Variants in GPC6 observed in about 807,000 individuals in gnomAD.
The protein encoded by GPC6 is glypican 6.
In GPC6, 14 loss-of-function variants were observed where a neutral mutation model predicts 55.2. That is an observed-to-expected ratio of 0.25 (90% confidence interval 0.17 to 0.40). The LOEUF is 0.40. Ranked by LOEUF, GPC6 falls within the 10% of genes least tolerant of loss-of-function variation. The pLI is 1.00. For synonymous variants in GPC6, 278 were observed against 259.6 expected (o/e 1.07, Z -0.68); for missense variants, 641 against 708.5 (o/e 0.90, Z 1.08).
At chr13:93,393,579 T>C (rs1384696626) in intron 1 of GPC6, among the ~76,000 whole-genome samples, 2 of 152,158 alleles carry the variant, frequency 1.3e-5, no homozygotes, top group Admixed American at 6.5e-5. Flanking sequence ...AGCTTGAAAA[T>C]ATATGTTGCA....
At chr13:93,439,092 C>G (rs543536485) in intron 1 of GPC6, among the ~76,000 whole-genome samples, 1 of 152,124 alleles carries the variant, frequency 6.6e-6, no homozygotes, top group Non-Finnish European at 1.5e-5. Flanking sequence ...TTAGACATAA[C>G]GCTATTGCAC....
At chr13:93,490,514 G>GTTTTTTTTTTTTTTTTTTTTTTTTTC (rs796098096) in intron 1 of GPC6, among the ~76,000 whole-genome samples, 1 of 35,320 alleles carries the variant, frequency 2.8e-5, no homozygotes, top group African/African-American at 1.2e-4. Flanking sequence ...TTTTTTTTGA[G>GTTTTTTTTTTTTTTTTTTTTTTTTTC]TTTTTTTTTT....
chr13:94,339,751 C>CTTTTTTTTTTTTTTTTTTTTTTTT, intron 6 of GPC6, among the ~76,000 whole-genome samples: 1 of 63,794 alleles, frequency 1.6e-5, no homozygotes. Context: ...GCATACTTTC[C>CTTTTTTTTTTTTTTTTTTTTTTTT]TTTTTTTTTT....
At chr13:93,843,635 G>C (rs1888045189) in intron 3 of GPC6, among the ~76,000 whole-genome samples, 2 of 152,112 alleles carry the variant, frequency 1.3e-5, no homozygotes, top group Admixed American at 6.6e-5. Flanking sequence ...TTTTAAATTG[G>C]GCGGATTGAC....
intron 4 of GPC6, among the ~76,000 whole-genome samples, chr13:94,285,157 A>G (rs185430325): frequency 2.0e-5 from 3 of 152,342 alleles, no homozygotes; most frequent in Non-Finnish European, 2.9e-5. Flanking sequence ...ATCTTGGTTT[A>G]TATAACAAGG....
intron 4 of GPC6, among the ~76,000 whole-genome samples, chr13:94,149,807 G>A (rs552129648): frequency 3.9e-4 from 59 of 152,066 alleles, no homozygotes; most frequent in Admixed American, 7.2e-4. Context: ...CCCTCCCAGT[G>A]TACCTTGTAG....
chr13:93,409,546 A>T (rs9556289), intron 1 of GPC6, among the ~76,000 whole-genome samples: 27,785 of 152,040 alleles, frequency 0.18, 3,175 homozygotes, highest in East Asian at 0.47. Context: ...TTCTCTTTCA[A>T]CTTGCATCTA....
chr13:94,028,264 C>CAA (rs199814666), intron 4 of GPC6, among the ~76,000 whole-genome samples: 2,408 of 140,040 alleles, frequency 0.017, 56 homozygotes, highest in South Asian at 0.072. Flanking sequence ...GACCCTGTCT[C>CAA]AAAAAAAAAA....
At chr13:94,244,077 T>A (rs1197162955) in intron 4 of GPC6, among the ~76,000 whole-genome samples, 1 of 152,170 alleles carries the variant, frequency 6.6e-6, no homozygotes, top group East Asian at 1.9e-4. Context: ...ACTACTTAGG[T>A]AATTGTAGGT....
intron 2 of GPC6, among the ~76,000 whole-genome samples, chr13:93,660,498 G>C (rs1038683582): frequency 6.6e-5 from 10 of 152,128 alleles, no homozygotes; most frequent in Non-Finnish European, 1.3e-4. Context: ...AGAAAATTAA[G>C]ATTTAGTTAA....
chr13:93,994,111 G>A (rs1303413838), intron 3 of GPC6, among the ~76,000 whole-genome samples: 1 of 152,118 alleles, frequency 6.6e-6, no homozygotes, highest in East Asian at 1.9e-4. Context: ...TCATGGGAGA[G>A]AAGATTTTTC....
Position 93,828,973 on chromosome 13 carries a change from T to C in GPC6, c.320-1181T>C, listed in dbSNP as rs577920590. ...TTCGTCACTATTTCCTTTCTGTATC[T>C]TAGCAGAGAATACCCAGAACCCCAG... On this transcript the variant is annotated intron_variant, in intron 2 of 8. Coordinates refer to ENST00000377047, the MANE Select transcript of GPC6 (RefSeq NM_005708.5). 8.0e-4 allele frequency among the ~76,000 whole-genome samples: 122 copies of C among 152,244 alleles called. 1 individual carries two copies. The Middle Eastern group carries it at 0.01, about 13-fold the overall frequency.
chr13:93,538,769 C>G (rs1882165485), intron 1 of GPC6, among the ~76,000 whole-genome samples: 1 of 152,172 alleles, frequency 6.6e-6, no homozygotes, highest in South Asian at 2.1e-4. Context: ...ATTGGGTACT[C>G]TACTGATGAA....
chr13:93,315,873 CAT>C (rs1353615602), intron 1 of GPC6, among the ~76,000 whole-genome samples: 1 of 151,772 alleles, frequency 6.6e-6, no homozygotes, highest in Non-Finnish European at 1.5e-5. Flanking sequence ...TTGTTGATGA[CAT>C]ATATGAGCAA....
chr13:93,558,196 C>T (rs887619820), intron 2 of GPC6, among the ~76,000 whole-genome samples: 2 of 152,196 alleles, frequency 1.3e-5, no homozygotes, highest in East Asian at 1.9e-4. Flanking sequence ...TTTGAAACTA[C>T]GATATACATA....
intron 6 of GPC6, chr13:94,306,383 C>A: frequency 2.0e-6 from 1 of 505,462 alleles, no homozygotes; most frequent in East Asian, 3.6e-5. Context: ...TCTTATTTCT[C>A]ATGAAATATT....
rs1248757066 is a variant in GPC6, at chr13:94,334,653, A to G, written c.1152+28530A>G. On this transcript the variant is annotated intron_variant, in intron 6 of 8. Coordinates refer to ENST00000377047, the MANE Select transcript of GPC6 (RefSeq NM_005708.5). ...CAAGTGGGGCCCCAAAATTGTGTTA[A>G]CAAGCCCTCCAGGTGGTGCCAAAGC... Among the ~76,000 whole-genome samples, 6 of 152,280 alleles carry G rather than the reference A, an allele frequency of 3.9e-5. No individual in the cohort carries two copies. The East Asian group carries it at 1.2e-3, about 29-fold the overall frequency.
At chr13:93,635,156 T>C (rs905249464) in intron 2 of GPC6, among the ~76,000 whole-genome samples, 3 of 152,120 alleles carry the variant, frequency 2.0e-5, no homozygotes, top group African/African-American at 7.2e-5. Flanking sequence ...TTTTTTTACT[T>C]ATCTATATCT....
chr13:93,861,252 C>A (rs1479426236), intron 3 of GPC6, among the ~76,000 whole-genome samples: 1 of 151,112 alleles, frequency 6.6e-6, no homozygotes, highest in Non-Finnish European at 1.5e-5. Context: ...GTATAAATTT[C>A]ATGAAGATTT....
Sources: gnomAD v4.1 joint callset for allele counts (sites outside exome capture counted in the v4.1 genomes callset) on GRCh38, gnomAD v4.1.1 for gene constraint, MANE v1.5 for transcripts, NCBI Gene and HGNC (gene_info 2026-07-23, HGNC 2026-07-21) for gene names.